ZNF431: variants seen among roughly 807,000 people sequenced by gnomAD.
ZNF431 encodes the protein zinc finger protein 431.
Under a neutral mutation model 57.0 loss-of-function variants are expected in ZNF431, and 34 were observed. The observed-to-expected ratio is 0.60, with a 90% CI of 0.45 to 0.79. The LOEUF is 0.79. Among genes scored for constraint, ZNF431 ranks in the 30% least tolerant of loss-of-function variants. The pLI is 0.00. For missense variants in ZNF431, 607 were observed against 667.1 expected (o/e 0.91, Z 0.99); for synonymous variants, 207 against 220.3 (o/e 0.94, Z 0.54).
rs762924303 is a variant in ZNF431, at chr19:21,193,763, A to G, written c.*9729A>G. On this transcript the variant is annotated 3_prime_UTR_variant, in exon 5 of 5. Coordinates refer to ENST00000311048, the MANE Select transcript of ZNF431 (RefSeq NM_133473.4). Reference sequence around the variant, plus strand: ...ATATACAAGTCAATAAGTGTGTTTCACCATACAATTAAAAGCAAAAATTTA... The same window carrying G: ...ATATACAAGTCAATAAGTGTGTTTCGCCATACAATTAAAAGCAAAAATTTA... 7.9e-5 allele frequency: 12 copies of G among 152,190 alleles called. No homozygotes were observed. Among genetic ancestry groups the G allele is most frequent in the Non-Finnish European group, 1.5e-4 (10 of 68,036 alleles). The allele number at this position is 152,190 out of a possible 1,614,324, so 9.4% of individuals were successfully genotyped here.
intron 2 of ZNF431, among the ~76,000 whole-genome samples, chr19:21,147,936 A>G (rs938002541): frequency 3.9e-5 from 6 of 151,974 alleles, no homozygotes; most frequent in African/African-American, 1.4e-4. Flanking sequence ...AATGAGCCAA[A>G]TTTTTACTAT....
At chr19:21,174,016 A>G (rs1044552063) in intron 4 of ZNF431, among the ~76,000 whole-genome samples, 30 of 144,508 alleles carry the variant, frequency 2.1e-4, no homozygotes, top group African/African-American at 5.9e-4. Context: ...TGCAATCTCG[A>G]CGCACTGCAA....
intron 2 of ZNF431, among the ~76,000 whole-genome samples, chr19:21,158,441 G>T (rs760452396): frequency 6.6e-6 from 1 of 151,954 alleles, no homozygotes; most frequent in Non-Finnish European, 1.5e-5. Flanking sequence ...CTCATGATCC[G>T]CCCACCTCGG....
chr19:21,142,854 T>G (rs946313978), intron 1 of ZNF431, among the ~76,000 whole-genome samples: 2 of 152,198 alleles, frequency 1.3e-5, no homozygotes, highest in African/African-American at 4.8e-5. Flanking sequence ...CTGAGTTTTG[T>G]TTCTCTCAAT....
chr19:21,182,819 G>C lies in ZNF431; in HGVS notation c.516G>C (p.Gln172His). 6.2e-7 allele frequency: 1 copy of C among 1,613,944 alleles called. No individual in the cohort carries two copies. Reference protein sequence around the residue: ...NELNQCLTTTQSKIFPCDKYV... With the variant: ...NELNQCLTTTHSKIFPCDKYV... ...TAAACCAGTGTTTGACAACTACCCA[G>C]AGCAAAATATTTCCATGTGATAAAT... The change falls in exon 5 of 5, where the codon CAG becomes CAC. Residue 172 changes from glutamine (Q) to histidine (H), a missense_variant. Transcript: ENST00000311048.
intron 2 of ZNF431, among the ~76,000 whole-genome samples, chr19:21,155,508 C>T (rs1056827288): frequency 2.0e-5 from 3 of 152,064 alleles, no homozygotes; most frequent in African/African-American, 7.2e-5. Flanking sequence ...ATGTGGGCTC[C>T]TTTTTGGTTC....
chr19:21,162,683 TGA>T (rs1970610149), intron 2 of ZNF431: 2 of 973,450 alleles, frequency 2.1e-6, no homozygotes, highest in African/African-American at 3.5e-5. Context: ...TTTAAAAAGA[TGA>T]GAGTTTTTGC....
intron 4 of ZNF431, among the ~76,000 whole-genome samples, chr19:21,172,459 A>G (rs967582496): frequency 1.3e-5 from 2 of 151,884 alleles, no homozygotes; most frequent in Non-Finnish European, 2.9e-5. Flanking sequence ...AAAAGAAACA[A>G]TAAAAACACA....
rs1971318866 is a variant in ZNF431, at chr19:21,184,683, A to G, written c.*649A>G. 2 of 152,656 alleles carry G rather than the reference A, an allele frequency of 1.3e-5. No individual in the cohort carries two copies. Among genetic ancestry groups the G allele is most frequent in the South Asian group, 4.1e-4 (2 of 4,836 alleles). 9.5% of individuals were successfully genotyped at this position (152,656 alleles called of 1,614,324 possible). On this transcript the variant is annotated 3_prime_UTR_variant, in exon 5 of 5. Transcript: ENST00000311048. The stretch of plus-strand genomic sequence containing the variant: ...GCTCACACTTTATTGCTAGGAAAGC[A>G]TTTATACTTGAGATAAATTATACAA...
chr19:21,179,561 CTTTT>C (rs537364359), intron 4 of ZNF431, among the ~76,000 whole-genome samples: 4 of 137,088 alleles, frequency 2.9e-5, no homozygotes, highest in Non-Finnish European at 3.2e-5. Context: ...GTTACATTGT[CTTTT>C]TTTTTTTTTT....
At chr19:21,153,723 T>A (rs1442850139) in intron 2 of ZNF431, among the ~76,000 whole-genome samples, 1 of 152,164 alleles carries the variant, frequency 6.6e-6, no homozygotes, top group Non-Finnish European at 1.5e-5. Context: ...TCCCCATTTT[T>A]TTTCTTTTTT....
At chr19:21,176,180 T>C (rs1971046464) in intron 4 of ZNF431, among the ~76,000 whole-genome samples, 1 of 152,182 alleles carries the variant, frequency 6.6e-6, no homozygotes, top group African/African-American at 2.4e-5. Flanking sequence ...TGATCACTGA[T>C]GTTGAGCTCC....
chr19:21,172,695 G>A (rs1304195570), intron 4 of ZNF431, among the ~76,000 whole-genome samples: 2 of 152,112 alleles, frequency 1.3e-5, no homozygotes, highest in African/African-American at 4.8e-5. Context: ...CCGCTATATG[G>A]GAGATTTAGG....
chr19:21,169,078 A>T (rs975606052), intron 4 of ZNF431, among the ~76,000 whole-genome samples: 3 of 150,698 alleles, frequency 2.0e-5, no homozygotes, highest in African/African-American at 4.9e-5. Context: ...GCCCAGCTAA[A>T]TTTTTTTTTG....
In ZNF431 at chr19:21,190,730, T is replaced by C. The variant is rs1003417746; in HGVS notation, c.*6696T>C. On this transcript the variant is annotated 3_prime_UTR_variant, in exon 5 of 5. Coordinates refer to ENST00000311048, the MANE Select transcript of ZNF431 (RefSeq NM_133473.4). ...CAGGCTGGAGTGCAATGGCACAATCTCGGCTCACTGCAACCCTTGCCTCCC... is the reference window on the plus strand; with the variant it reads ...CAGGCTGGAGTGCAATGGCACAATCCCGGCTCACTGCAACCCTTGCCTCCC... The C allele has an allele frequency of 6.6e-6, 1 of 151,258 alleles. No individual in the cohort carries two copies. The highest frequency in any genetic ancestry group is 6.6e-5 in the Admixed American group (1 of 15,132). The allele number at this position is 151,258 out of a possible 1,614,324, so 9.4% of individuals were successfully genotyped here.
Position 21,182,863 on chromosome 19 carries a change from A to T in ZNF431, c.560A>T (p.Lys187Ile), listed in dbSNP as rs748412687. 15 of 1,613,860 alleles carry T rather than the reference A, an allele frequency of 9.3e-6. No individual in the cohort carries two copies. The highest frequency in any genetic ancestry group is 1.2e-5 in the Non-Finnish European group (14 of 1,179,926). ...PCDKYVKVFH[K>I]FLNANRHKTR... ...GATAAATATGTGAAAGTCTTTCATA[A>T]ATTTTTAAATGCAAATAGACATAAG... Residue 187 changes from lysine (K) to isoleucine (I), a missense_variant, in exon 5 of 5, where the codon AAA (lysine) becomes ATA (isoleucine). By Grantham distance (102) the Lys-to-Ile change is moderately radical. Coordinates refer to ENST00000311048, the MANE Select transcript of ZNF431 (RefSeq NM_133473.4).
intron 4 of ZNF431, among the ~76,000 whole-genome samples, chr19:21,181,041 ATGT>A (rs1424473299): frequency 6.6e-6 from 1 of 151,238 alleles, no homozygotes; most frequent in Non-Finnish European, 1.5e-5. Flanking sequence ...TGTATATTTT[ATGT>A]TGTATATTTG....
At chr19:21,144,394 G>A (rs1231968284) in intron 2 of ZNF431, among the ~76,000 whole-genome samples, 2 of 151,808 alleles carry the variant, frequency 1.3e-5, no homozygotes, top group African/African-American at 4.8e-5. Flanking sequence ...AGTAGAGACA[G>A]GGTTTCATCA....
chr19:21,154,249 T>C (rs1418202063), intron 2 of ZNF431, among the ~76,000 whole-genome samples: 1 of 152,142 alleles, frequency 6.6e-6, no homozygotes, highest in Non-Finnish European at 1.5e-5. Context: ...AATTCCCACC[T>C]GTGAGTGAGA....
Sources: gnomAD v4.1 joint callset for allele counts (sites outside exome capture counted in the v4.1 genomes callset) on GRCh38, gnomAD v4.1.1 for gene constraint, MANE v1.5 for transcripts, NCBI Gene and HGNC (gene_info 2026-07-23, HGNC 2026-07-21) for gene names.